SUGCT: variants seen among roughly 807,000 people sequenced by gnomAD.
The protein encoded by SUGCT is succinyl-CoA:glutarate-CoA transferase, also known as succinyl-CoA:glutarate CoA-transferase.
Under a neutral mutation model 55.0 loss-of-function variants are expected in SUGCT, and 41 were observed. The ratio of observed to expected loss-of-function variants is 0.74; its 90% CI spans 0.58 to 0.97. SUGCT has a LOEUF of 0.97. Ranked by LOEUF, SUGCT falls within the 50% of genes least tolerant of loss-of-function variation. The pLI is 0.00. For missense variants in SUGCT, 568 were observed against 547.8 expected (o/e 1.04, Z -0.37); for synonymous variants, 187 against 200.4 (o/e 0.93, Z 0.56).
At chr7:40,517,170 G>A (rs1793282583) in intron 12 of SUGCT, among the ~76,000 whole-genome samples, 1 of 147,844 alleles carries the variant, frequency 6.8e-6, no homozygotes, top group South Asian at 2.1e-4. Flanking sequence ...AATTAATTTT[G>A]TAGGTTAATC....
chr7:40,195,051 T>G lies in SUGCT; in HGVS notation c.475T>G (p.Ser159Ala). Residue 159 changes from serine to alanine, a missense_variant, in exon 6 of 14, where the codon TCC becomes GCC. By Grantham distance (99) the Ser-to-Ala change is moderately conservative. Transcript: ENST00000335693. ...GATTGCTCCTCACATCATCTATTGTTCCATCACAGGTATTTCAACCCCACA... is the reference window on the plus strand; with the variant it reads ...GATTGCTCCTCACATCATCTATTGTGCCATCACAGGTATTTCAACCCCACA... ...DEIAPHIIYCSITGYGQTGPI... is the reference protein window; with the variant it reads ...DEIAPHIIYCAITGYGQTGPI... The G allele has an allele frequency of 6.2e-7, 1 of 1,613,180 alleles. No homozygotes were observed. The highest frequency in any genetic ancestry group is 1.1e-5 in the South Asian group (1 of 90,934).
chr7:40,136,680 C>T (rs1202558242), intron 1 of SUGCT, among the ~76,000 whole-genome samples: 1 of 152,192 alleles, frequency 6.6e-6, no homozygotes, highest in Non-Finnish European at 1.5e-5. Context: ...GCCAAAAATT[C>T]ACCTTTCTGG....
chr7:40,448,637 G>T (rs1788993688), intron 9 of SUGCT, among the ~76,000 whole-genome samples: 1 of 152,080 alleles, frequency 6.6e-6, no homozygotes, highest in East Asian at 1.9e-4. Context: ...CTCGAGCCCA[G>T]GGGTTTAAGA....
intron 13 of SUGCT, among the ~76,000 whole-genome samples, chr7:40,774,723 A>G (rs1031429530): frequency 9.2e-5 from 14 of 151,906 alleles, no homozygotes; most frequent in Non-Finnish European, 1.3e-4. Context: ...CATATTTTCA[A>G]TTTACCCCAA....
chr7:40,566,205 A>C (rs908826166), intron 12 of SUGCT, among the ~76,000 whole-genome samples: 1 of 152,088 alleles, frequency 6.6e-6, no homozygotes, highest in African/African-American at 2.4e-5. Context: ...TACCACACCA[A>C]AAATAATAAT....
the SUGCT span, among the ~76,000 whole-genome samples, chr7:40,925,524 A>G: frequency 3.9e-5 from 6 of 152,168 alleles, no homozygotes; most frequent in Non-Finnish European, 7.3e-5. Flanking sequence ...TTTAATTTTA[A>G]GTGGTATTAT....
At chr7:40,567,100 G>A (rs930528141) in intron 12 of SUGCT, among the ~76,000 whole-genome samples, 6 of 152,220 alleles carry the variant, frequency 3.9e-5, no homozygotes, top group African/African-American at 1.4e-4. Context: ...GAACGCAGAT[G>A]TTTTAACTTA....
At chr7:41,029,938 C>A in the SUGCT span, among the ~76,000 whole-genome samples, 1 of 152,184 alleles carries the variant, frequency 6.6e-6, no homozygotes, top group Non-Finnish European at 1.5e-5. Flanking sequence ...CCAACTCCTG[C>A]AGAACACTGA....
At chr7:40,907,116 TGTGTGTGTGTGTGTGTGTGTGTGTGA>T in the SUGCT span, among the ~76,000 whole-genome samples, 2 of 73,876 alleles carry the variant, frequency 2.7e-5, no homozygotes, top group African/African-American at 1.0e-4. Flanking sequence ...TGTGTGTGTG[TGTGTGTGTGTGTGTGTGTGTGTGTGA>T]GAGAGAGAGA....
the SUGCT span, among the ~76,000 whole-genome samples, chr7:40,908,920 T>G: frequency 6.6e-6 from 1 of 152,244 alleles, no homozygotes. Context: ...ATTTAAATTT[T>G]TTTAAATGAC....
the SUGCT span, among the ~76,000 whole-genome samples, chr7:40,927,222 C>T: frequency 7.9e-5 from 12 of 152,200 alleles, no homozygotes; most frequent in South Asian, 2.3e-3. Flanking sequence ...GAGTGCTACC[C>T]ACTCAATCAT....
chr7:40,152,703 G>GTT (rs754938220), intron 1 of SUGCT: 36 of 150,630 alleles, frequency 2.4e-4, no homozygotes, highest in African/African-American at 2.3e-4. Context: ...AAATTAAGGT[G>GTT]TTTTTTTTTT....
intron 12 of SUGCT, among the ~76,000 whole-genome samples, chr7:40,737,883 C>T (rs1220503456): frequency 2.0e-5 from 3 of 151,428 alleles, no homozygotes; most frequent in Non-Finnish European, 4.4e-5. Flanking sequence ...AAGATGGTGC[C>T]ACTGCACTCT....
the SUGCT span, among the ~76,000 whole-genome samples, chr7:40,914,765 G>A: frequency 6.6e-6 from 1 of 152,134 alleles, no homozygotes; most frequent in Admixed American, 6.5e-5. Flanking sequence ...TATGGAATTT[G>A]GAGGAGAAAT....
chr7:40,195,215 CTTTTTTCTT>C (rs1477860018), intron 6 of SUGCT, among the ~76,000 whole-genome samples, 155 bp downstream of exon 6: 10 of 119,030 alleles, frequency 8.4e-5, no homozygotes, highest in Non-Finnish European at 1.6e-4. Context: ...TTACTTTTTT[CTTTTTTCTT>C]TTTTTTTTTT....
chr7:40,449,623 A>G (rs1420306569), intron 10 of SUGCT, among the ~76,000 whole-genome samples: 1 of 152,096 alleles, frequency 6.6e-6, no homozygotes, highest in Non-Finnish European at 1.5e-5. Flanking sequence ...TGGGGGAATC[A>G]TTTTTAGAGG....
chr7:40,594,402 A>G (rs1797895385), intron 12 of SUGCT, among the ~76,000 whole-genome samples: 1 of 151,940 alleles, frequency 6.6e-6, no homozygotes, highest in African/African-American at 2.4e-5. Context: ...CATCTCTACC[A>G]TAATTATGAA....
At chr7:40,589,637 G>T (rs1456594436) in intron 12 of SUGCT, among the ~76,000 whole-genome samples, 3 of 152,064 alleles carry the variant, frequency 2.0e-5, no homozygotes, top group Non-Finnish European at 4.4e-5. Context: ...ATTAATTTTG[G>T]GGAACACATT....
At chr7:40,430,113 T>C (rs1787816802) in intron 9 of SUGCT, among the ~76,000 whole-genome samples, 1 of 152,230 alleles carries the variant, frequency 6.6e-6, no homozygotes, top group African/African-American at 2.4e-5. Flanking sequence ...TTGTGACTAA[T>C]GCTGCAATGA....
Sources: gnomAD v4.1 joint callset for allele counts (sites outside exome capture counted in the v4.1 genomes callset) on GRCh38, gnomAD v4.1.1 for gene constraint, MANE v1.5 for transcripts, NCBI Gene and HGNC (gene_info 2026-07-23, HGNC 2026-07-21) for gene names.